Variants in CNR2 observed in about 807,000 individuals in gnomAD.
The protein encoded by CNR2 is cannabinoid receptor 2 (macrophage).
For missense variants in CNR2, 379 were observed against 439.9 expected (o/e 0.86, Z 1.24); for synonymous variants, 172 against 182.2 (o/e 0.94, Z 0.45).
chr1:23,879,344 G>C (rs559433465), intron 1 of CNR2, among the ~76,000 whole-genome samples: 1 of 152,300 alleles, frequency 6.6e-6, no homozygotes, highest in Non-Finnish European at 1.5e-5. Context: ...ACTGGGCACA[G>C]TGGCTCATGC....
intron 1 of CNR2, among the ~76,000 whole-genome samples, chr1:23,885,139 C>G (rs1258595344): frequency 1.3e-5 from 2 of 152,044 alleles, no homozygotes; most frequent in Non-Finnish European, 2.9e-5. Context: ...GTGGCTCACA[C>G]CAGTAATCAC....
In CNR2 at chr1:23,875,086, G is replaced by A. The variant is rs372203029; in HGVS notation, c.532C>T (p.Pro178Ser). The A allele has an allele frequency of 1.2e-6, 2 of 1,600,224 alleles. No individual in the cohort carries two copies. The highest frequency in any genetic ancestry group is 2.2e-5 in the East Asian group (1 of 44,798). ...PLMGWTCCPR[P>S]CSELFPLIPN... is the part of the protein sequence containing the mutation. Reference sequence around the variant, plus strand: ...ATCAGTGGGAAAAGCTCAGAGCAGGGCCTGGGACAGCAAGTCCATCCCATG... The same window carrying A: ...ATCAGTGGGAAAAGCTCAGAGCAGGACCTGGGACAGCAAGTCCATCCCATG... Residue 178 changes from proline (P) to serine (S), a missense_variant, in exon 2 of 2, where the codon CCC (proline) becomes TCC (serine). Coordinates refer to ENST00000374472, the MANE Select transcript of CNR2 (RefSeq NM_001841.3).
At chr1:23,882,207 GCTAC>G (rs1640000582) in intron 1 of CNR2, among the ~76,000 whole-genome samples, 1 of 152,084 alleles carries the variant, frequency 6.6e-6, no homozygotes, top group African/African-American at 2.4e-5. Flanking sequence ...ATAGGCATGA[GCTAC>G]CGTGCCTGGC....
At chr1:23,878,932 A>G (rs1393818539) in intron 1 of CNR2, among the ~76,000 whole-genome samples, 5 of 152,232 alleles carry the variant, frequency 3.3e-5, no homozygotes, top group Non-Finnish European at 5.9e-5. Flanking sequence ...AAAAAATTCA[A>G]AGAAAATTGT....
intron 1 of CNR2, among the ~76,000 whole-genome samples, chr1:23,880,886 T>C (rs1639973355): frequency 6.7e-6 from 1 of 149,414 alleles, no homozygotes; most frequent in African/African-American, 2.4e-5. Flanking sequence ...TAAATTAACA[T>C]ATTACATATA....
chr1:23,893,788 T>C (rs2502969), intron 1 of CNR2, among the ~76,000 whole-genome samples: 124,320 of 152,066 alleles, frequency 0.82, 50,919 homozygotes, highest in Admixed American at 0.84. Context: ...TATTATTTTC[T>C]GTATTTTATA....
At chr1:23,884,190 G>C (rs112533423) in intron 1 of CNR2, among the ~76,000 whole-genome samples, 3,695 of 150,616 alleles carry the variant, frequency 0.025, 77 homozygotes, top group South Asian at 0.096. Context: ...AGCGATTCTT[G>C]TGCCTCAGCC....
intron 1 of CNR2, among the ~76,000 whole-genome samples, chr1:23,903,414 A>G (rs1264379027): frequency 6.6e-6 from 1 of 151,730 alleles, no homozygotes; most frequent in Non-Finnish European, 1.5e-5. Flanking sequence ...GCCTCTACAA[A>G]TAAAAAAAAA....
intron 1 of CNR2, among the ~76,000 whole-genome samples, chr1:23,878,579 A>C (rs1190103226): frequency 6.6e-6 from 1 of 152,104 alleles, no homozygotes; most frequent in African/African-American, 2.4e-5. Context: ...GGGGTTTTCC[A>C]TGTTGGCCAG....
At position 23,872,678 on chromosome 1, in the gene CNR2, T is replaced by C. The variant is rs1465447025; in HGVS notation, c.*1857A>G. The C allele has an allele frequency of 2.0e-5, 3 of 152,084 alleles. No individual in the cohort carries two copies. 9.4% of individuals were successfully genotyped at this position (152,084 alleles called of 1,614,324 possible). On this transcript the variant is annotated 3_prime_UTR_variant, in exon 2 of 2. Coordinates refer to ENST00000374472, the MANE Select transcript of CNR2 (RefSeq NM_001841.3). ...GCCACATCTGTAAAATGAAGATAACTAAGACCTTCTTATTAGGTTGTTGGG... is the reference window on the plus strand; with the variant it reads ...GCCACATCTGTAAAATGAAGATAACCAAGACCTTCTTATTAGGTTGTTGGG...
intron 1 of CNR2, among the ~76,000 whole-genome samples, chr1:23,891,139 C>G (rs1640182765): frequency 6.6e-6 from 1 of 151,984 alleles, no homozygotes; most frequent in Non-Finnish European, 1.5e-5. Context: ...CTCAGCCTCC[C>G]AAAGTGTTGA....
intron 1 of CNR2, among the ~76,000 whole-genome samples, chr1:23,876,062 T>G (rs1380366704): frequency 1.3e-5 from 2 of 152,216 alleles, no homozygotes; most frequent in African/African-American, 2.4e-5. Context: ...TTTGTTTTGT[T>G]AATTTGCCAA....
At chr1:23,892,105 G>A (rs1212509615) in intron 1 of CNR2, among the ~76,000 whole-genome samples, 2 of 152,166 alleles carry the variant, frequency 1.3e-5, no homozygotes, top group African/African-American at 4.8e-5. Context: ...CTGGCCCGGA[G>A]AACCAGACTT....
At chr1:23,902,426 TGC>T in intron 1 of CNR2, 1 of 1,589,574 alleles carries the variant, frequency 6.3e-7, no homozygotes, top group Non-Finnish European at 8.6e-7. Context: ...CTTTTGCCAA[TGC>T]TGGGACGATG....
In CNR2 at chr1:23,913,294, G is replaced by T. The variant is rs538007190; in HGVS notation, c.-94C>A. 1 of 153,068 alleles carries T rather than the reference G, an allele frequency of 6.5e-6. No homozygotes were observed. The highest frequency in any genetic ancestry group is 1.5e-5 in the Non-Finnish European group (1 of 68,554). 9.5% of individuals were successfully genotyped at this position (153,068 alleles called of 1,614,324 possible). On this transcript the variant is annotated 5_prime_UTR_variant, in exon 1 of 2. Coordinates refer to ENST00000374472, the MANE Select transcript of CNR2 (RefSeq NM_001841.3). ...ACTGGGAGCTGCCGGGGGCTGAGGAGTCCCAGTTGTTTTCTGTCCTCTCCC... is the reference window on the plus strand; with the variant it reads ...ACTGGGAGCTGCCGGGGGCTGAGGATTCCCAGTTGTTTTCTGTCCTCTCCC...
intron 1 of CNR2, among the ~76,000 whole-genome samples, chr1:23,886,188 C>CAAAAA (rs71026697): frequency 1.5e-5 from 2 of 130,402 alleles, no homozygotes; most frequent in African/African-American, 2.9e-5. Flanking sequence ...GACTCTATTT[C>CAAAAA]AAAAAAAAAA....
chr1:23,903,102 C>T (rs1259815051), intron 1 of CNR2, among the ~76,000 whole-genome samples: 1 of 152,008 alleles, frequency 6.6e-6, no homozygotes, highest in Non-Finnish European at 1.5e-5. Flanking sequence ...GGCGGCGCTG[C>T]GACCCGCGGG....
chr1:23,907,981 C>CTTTTTTTTTT lies in CNR2; in HGVS notation c.-46+5255_-46+5264dup, dbSNP rs35507609. 8.8e-5 allele frequency: 7 copies of CTTTTTTTTTT among 79,296 alleles called. 1 individual carries two copies. Among genetic ancestry groups the CTTTTTTTTTT allele is most frequent in the Admixed American group, 6.0e-4 (3 of 5,022 alleles). The allele number at this position is 79,296 out of a possible 1,614,324, so 4.9% of individuals were successfully genotyped here. On this transcript the variant is annotated intron_variant, in intron 1 of 1. Coordinates refer to ENST00000374472, the MANE Select transcript of CNR2 (RefSeq NM_001841.3). The stretch of plus-strand genomic sequence containing the variant: ...TTTGTTCTATCACCACTAACTACTG[C>CTTTTTTTTTT]TTTTTTTTTTTTTTTTTTTTTTTGA...
intron 1 of CNR2, among the ~76,000 whole-genome samples, chr1:23,908,223 C>T (rs1640530707): frequency 6.6e-6 from 1 of 152,102 alleles, no homozygotes; most frequent in Non-Finnish European, 1.5e-5. Flanking sequence ...TCATGATCTG[C>T]CCACCTGGGC....
Sources: gnomAD v4.1 joint callset for allele counts (sites outside exome capture counted in the v4.1 genomes callset) on GRCh38, gnomAD v4.1.1 for gene constraint, MANE v1.5 for transcripts, NCBI Gene and HGNC (gene_info 2026-07-23, HGNC 2026-07-21) for gene names.